TRAPPC9: variants seen among roughly 807,000 people sequenced by gnomAD.
TRAPPC9 encodes trafficking protein particle complex subunit 9, also known as IKK2 binding protein.
Under a neutral mutation model 124.0 loss-of-function variants are expected in TRAPPC9, and 83 were observed. The observed-to-expected ratio is 0.67, with a 90% CI of 0.56 to 0.80. The LOEUF (loss-of-function observed/expected upper bound fraction) is 0.80. Among genes scored for constraint, TRAPPC9 ranks in the 30% least tolerant of loss-of-function variants. The probability of loss-of-function intolerance (pLI) is 0.00; values close to 1 mark genes in which losing one functional copy is unlikely to be tolerated. For synonymous variants in TRAPPC9, 638 were observed against 617.5 expected (o/e 1.03, Z -0.49); for missense variants, 1,302 against 1,508.3 (o/e 0.86, Z 2.27).
chr8:140,072,730 T>C (rs1397849235), intron 17 of TRAPPC9, among the ~76,000 whole-genome samples: 1 of 152,070 alleles, frequency 6.6e-6, no homozygotes, highest in Non-Finnish European at 1.5e-5. Context: ...TGTGTATACA[T>C]AACATAGTGT....
chr8:140,022,016 G>A (rs1477881645), intron 18 of TRAPPC9, among the ~76,000 whole-genome samples: 1 of 152,210 alleles, frequency 6.6e-6, no homozygotes, highest in Non-Finnish European at 1.5e-5. Context: ...GGGGCAAAGG[G>A]ACTGAAGGGG....
intron 11 of TRAPPC9, among the ~76,000 whole-genome samples, chr8:140,299,427 C>T (rs1217165421): frequency 6.6e-6 from 1 of 152,194 alleles, no homozygotes; most frequent in African/African-American, 2.4e-5. Flanking sequence ...TGCCTTCTTC[C>T]TAAATTGGAG....
rs150706880 is a variant in TRAPPC9 at position 139,758,868 on chromosome 8, C to T, written c.3056-26666G>A. Among the ~76,000 whole-genome samples the T allele has an allele frequency of 1.3e-3, 200 of 152,328 alleles. 1 individual carries two copies. Among genetic ancestry groups the T allele is most frequent in the African/African-American group, 4.3e-3 (179 of 41,578 alleles). ...TGGTGAGGCTGAGGCGGGTTTCTGA[C>T]GCCAAAGCCTGTGTTGCCTCCCCAT... On this transcript the variant is annotated intron_variant, in intron 21 of 22. Transcript: ENST00000438773.
intron 17 of TRAPPC9, among the ~76,000 whole-genome samples, chr8:140,070,917 C>G (rs1415038132): frequency 6.6e-6 from 1 of 152,208 alleles, no homozygotes; most frequent in East Asian, 1.9e-4. Context: ...CGTCTCTTAC[C>G]TACAGCTCAG....
intron 10 of TRAPPC9, among the ~76,000 whole-genome samples, chr8:140,306,757 T>C (rs7010946): frequency 0.63 from 95,364 of 152,012 alleles, 30,013 homozygotes; most frequent in African/African-American, 0.69. Context: ...AACATGCAGT[T>C]CATAAAGCGT....
intron 14 of TRAPPC9, among the ~76,000 whole-genome samples, chr8:140,277,178 G>A (rs2065154037): frequency 6.6e-6 from 1 of 152,240 alleles, no homozygotes; most frequent in African/African-American, 2.4e-5. Context: ...GGGAAGAAAT[G>A]CTGCTTAACA....
rs183010686 is a variant in TRAPPC9, at chr8:139,757,662, A to G, written c.3056-25460T>C. On this transcript the variant is annotated intron_variant, in intron 21 of 22. Coordinates refer to ENST00000438773, the MANE Select transcript of TRAPPC9 (RefSeq NM_001160372.4). ...GTGCCTGTCAGTGCCATCTAGAGGG[A>G]GTCCCCCCAGCCCAGGCATCATTCA... 1.4e-3 allele frequency among the ~76,000 whole-genome samples: 206 copies of G among 152,026 alleles called. 1 individual carries two copies. Among genetic ancestry groups the G allele is most frequent in the Non-Finnish European group, 2.3e-3 (153 of 67,972 alleles).
At chr8:139,895,649 T>C (rs954241641) in intron 20 of TRAPPC9, among the ~76,000 whole-genome samples, 9 of 152,220 alleles carry the variant, frequency 5.9e-5, no homozygotes, top group African/African-American at 2.2e-4. Context: ...ACTATGGGCC[T>C]GGGACGCTGG....
intron 16 of TRAPPC9, among the ~76,000 whole-genome samples, chr8:140,242,190 G>C (rs2063875325): frequency 6.6e-6 from 1 of 152,026 alleles, no homozygotes; most frequent in African/African-American, 2.4e-5. Flanking sequence ...ATTACATAGA[G>C]ACTTAGACAC....
chr8:140,349,382 A>G (rs1339915024), intron 9 of TRAPPC9, among the ~76,000 whole-genome samples: 2 of 93,172 alleles, frequency 2.1e-5, no homozygotes, highest in African/African-American at 7.7e-5. Context: ...GGAAGGGCAC[A>G]CAGCGGGGCC....
chr8:139,778,134 G>GCCCT (rs1324078306), intron 21 of TRAPPC9, among the ~76,000 whole-genome samples: 2 of 152,170 alleles, frequency 1.3e-5, no homozygotes, highest in African/African-American at 4.8e-5. Context: ...CTCACACAGA[G>GCCCT]CGAGGAATAG....
At position 140,128,988 on chromosome 8, in the gene TRAPPC9, C is replaced by CATATATATAT. The variant is rs111502084; in HGVS notation, c.2556+92461_2556+92470dup. On this transcript the variant is annotated intron_variant, in intron 17 of 22. Coordinates refer to ENST00000438773, the MANE Select transcript of TRAPPC9 (RefSeq NM_001160372.4). ...CTATAATAAAATATATATATATATACATATATATATATATATTAAAAAAAA... is the reference window on the plus strand; with the variant it reads ...CTATAATAAAATATATATATATATACATATATATATATATATATATATATATTAAAAAAAA... Among the ~76,000 whole-genome samples the CATATATATAT allele has an allele frequency of 1.3e-3, 169 of 134,708 alleles. 2 individuals carry two copies. Among genetic ancestry groups the CATATATATAT allele is most frequent in the Admixed American group, 2.0e-3 (26 of 13,264 alleles). The allele number at this position is 134,708 out of a possible 152,430, so 88.4% of individuals were successfully genotyped here. A position where few individuals can be genotyped will look rare whatever the true frequency, so the allele number is the denominator to read the frequency against.
At chr8:140,230,343 T>C (rs2063561255) in intron 16 of TRAPPC9, among the ~76,000 whole-genome samples, 1 of 152,172 alleles carries the variant, frequency 6.6e-6, no homozygotes, top group South Asian at 2.1e-4. Flanking sequence ...GCACGGTGGC[T>C]CATGCCTGTA....
rs950913546 is a variant in TRAPPC9 at position 139,727,872 on chromosome 8, T to C, written c.*3189A>G. ...AGGGGACTAACGGAGCATAGCAATGTGGCCTGTTAAGGGTTCCAGGAGAAG... is the reference window on the plus strand; with the variant it reads ...AGGGGACTAACGGAGCATAGCAATGCGGCCTGTTAAGGGTTCCAGGAGAAG... On this transcript the variant is annotated 3_prime_UTR_variant, in exon 23 of 23. Transcript: ENST00000438773. Among the ~76,000 whole-genome samples the C allele has an allele frequency of 6.6e-6, 1 of 152,172 alleles. No homozygotes were observed. The highest frequency in any genetic ancestry group is 1.5e-5 in the Non-Finnish European group (1 of 68,036).
intron 17 of TRAPPC9, among the ~76,000 whole-genome samples, chr8:140,163,360 T>C (rs1031711706): frequency 6.6e-6 from 1 of 152,196 alleles, no homozygotes; most frequent in African/African-American, 2.4e-5. Flanking sequence ...TAGCCTGCAG[T>C]CCTGGGCCTA....
chr8:140,152,370 T>C (rs1324691245), intron 17 of TRAPPC9, among the ~76,000 whole-genome samples: 2 of 138,386 alleles, frequency 1.4e-5, no homozygotes, highest in South Asian at 4.9e-4. Context: ...TTTTTTTTTT[T>C]TTTTTTTTGA....
intron 6 of TRAPPC9, among the ~76,000 whole-genome samples, chr8:140,400,814 C>T (rs971703610): frequency 1.3e-5 from 2 of 152,118 alleles, no homozygotes; most frequent in African/African-American, 4.8e-5. Flanking sequence ...AAGAAGAGTT[C>T]AGATGGATGG....
intron 2 of TRAPPC9, among the ~76,000 whole-genome samples, chr8:140,439,860 GA>G (rs970385148): frequency 8.5e-6 from 1 of 117,106 alleles, no homozygotes; most frequent in African/African-American, 2.7e-5. Flanking sequence ...TAAGATAGAT[GA>G]TTTTTTTTTT....
chr8:139,897,420 T>C (rs571202181), intron 20 of TRAPPC9, among the ~76,000 whole-genome samples: 33 of 152,304 alleles, frequency 2.2e-4, no homozygotes, highest in African/African-American at 7.7e-4. Context: ...TGGGAAAATA[T>C]TATTTCAAAG....
Sources: allele counts gnomAD v4.1 joint callset (sites outside exome capture counted in the v4.1 genomes callset), GRCh38; gene constraint gnomAD v4.1.1; transcripts MANE v1.5; gene names NCBI Gene and HGNC (gene_info 2026-07-23, HGNC 2026-07-21).